UBE2D1: variants seen among roughly 807,000 people sequenced by gnomAD.
UBE2D1 encodes ubiquitin-conjugating enzyme E2 D1.
Under a neutral mutation model 24.6 loss-of-function variants are expected in UBE2D1, and 9 were observed. The ratio of observed to expected loss-of-function variants is 0.37; its 90% CI spans 0.22 to 0.64. The LOEUF is 0.64. UBE2D1 is among the 30% of genes least tolerant of loss of function. The probability of loss-of-function intolerance (pLI) is 0.64; values close to 1 mark genes in which losing one functional copy is unlikely to be tolerated. For synonymous variants in UBE2D1, 57 were observed against 57.6 expected (o/e 0.99, Z 0.04); for missense variants, 87 against 177.1 (o/e 0.49, Z 2.89).
At chr10:58,351,632 A>C (rs1840078188) in intron 1 of UBE2D1, among the ~76,000 whole-genome samples, 1 of 152,206 alleles carries the variant, frequency 6.6e-6, no homozygotes, top group Admixed American at 6.5e-5. Context: ...AGTCTGTTTT[A>C]CCGTTCTTTT....
At chr10:58,365,064 G>A (rs1840240646) in intron 5 of UBE2D1, among the ~76,000 whole-genome samples, 188 bp downstream of exon 5, 1 of 152,138 alleles carries the variant, frequency 6.6e-6, no homozygotes. Flanking sequence ...AGGGGAGTGT[G>A]GATGGACAAA....
chr10:58,351,123 T>G (rs562003105), intron 1 of UBE2D1, among the ~76,000 whole-genome samples: 1 of 152,192 alleles, frequency 6.6e-6, no homozygotes, highest in East Asian at 1.9e-4. Context: ...AAGTGGTGAG[T>G]GAATGTGAAG....
chr10:58,356,262 A>G (rs955168419), intron 1 of UBE2D1, among the ~76,000 whole-genome samples: 2 of 152,096 alleles, frequency 1.3e-5, no homozygotes, highest in African/African-American at 4.8e-5. Flanking sequence ...TACCATTAAC[A>G]ATTTGTTGTG....
intron 1 of UBE2D1, among the ~76,000 whole-genome samples, chr10:58,357,221 G>A (rs1840140863): frequency 2.0e-5 from 3 of 152,246 alleles, no homozygotes; most frequent in South Asian, 2.1e-4. Flanking sequence ...AGGGAAGAGA[G>A]TACTAATCCT....
At chr10:58,362,237 A>G (rs1009438694) in intron 3 of UBE2D1, among the ~76,000 whole-genome samples, 2 of 152,190 alleles carry the variant, frequency 1.3e-5, no homozygotes, top group African/African-American at 4.8e-5. Flanking sequence ...GTGAGAGTAC[A>G]TAAGTAACAT....
Position 58,342,729 on chromosome 10 carries a change from G to A in UBE2D1, c.24+7504G>A, listed in dbSNP as rs533237958. ...CATATGTTTGGAGATTTTACAGATA[G>A]CTTTCTGTTGTTGATTTCTAATTCC... is the stretch of plus-strand genomic sequence containing the variant. On this transcript the variant is annotated intron_variant, in intron 1 of 6. Coordinates refer to ENST00000373910, the MANE Select transcript of UBE2D1 (RefSeq NM_003338.5). 1.2e-3 allele frequency among the ~76,000 whole-genome samples: 176 copies of A among 151,600 alleles called. 5 individuals are homozygous for A. The South Asian group carries it at 0.036, about 31-fold the overall frequency.
At position 58,370,480 on chromosome 10, in the gene UBE2D1, T is replaced by C. The variant is rs182319673; in HGVS notation, c.*1715T>C. 3.9e-5 allele frequency: 6 copies of C among 152,676 alleles called. No individual in the cohort carries two copies. The highest frequency in any genetic ancestry group is 2.9e-5 in the Non-Finnish European group (2 of 67,942). 9.5% of individuals were successfully genotyped at this position (152,676 alleles called of 1,614,324 possible). ...TGTGAAATGGATGTTTAAGAAAATA[T>C]AGGCTTAAAAAGTAAATCTATAAAA... On this transcript the variant is annotated 3_prime_UTR_variant, in exon 7 of 7. Transcript: ENST00000373910.
intron 1 of UBE2D1, chr10:58,360,841 C>A (rs1479722206): frequency 7.8e-6 from 3 of 387,046 alleles, no homozygotes; most frequent in Non-Finnish European, 1.5e-5. Context: ...GGGAGGATCG[C>A]TTAGGCCCAG....
rs1840300007 is a variant in UBE2D1, at chr10:58,370,158, A to G, written c.*1393A>G. On this transcript the variant is annotated 3_prime_UTR_variant, in exon 7 of 7. Coordinates refer to ENST00000373910, the MANE Select transcript of UBE2D1 (RefSeq NM_003338.5). ...TGATTTAAATAAGCAGGTTATCTTT[A>G]TAGATTTTAAAGAAAACTAGAAAGT... 1 of 151,672 alleles carries G rather than the reference A, an allele frequency of 6.6e-6. No homozygotes were observed. The highest frequency in any genetic ancestry group is 2.4e-5 in the African/African-American group (1 of 41,306). 9.4% of individuals were successfully genotyped at this position (151,672 alleles called of 1,614,324 possible).
At chr10:58,336,323 A>G (rs549915196) in intron 1 of UBE2D1, among the ~76,000 whole-genome samples, 2 of 152,218 alleles carry the variant, frequency 1.3e-5, no homozygotes, top group Non-Finnish European at 2.9e-5. Context: ...TAGTTGTTTC[A>G]GAAGAAATTG....
At chr10:58,349,959 A>G (rs1049777416) in intron 1 of UBE2D1, among the ~76,000 whole-genome samples, 10 of 152,118 alleles carry the variant, frequency 6.6e-5, no homozygotes, top group African/African-American at 9.7e-5. Context: ...AGATTCATCT[A>G]TATTGTTGCC....
intron 1 of UBE2D1, among the ~76,000 whole-genome samples, chr10:58,342,496 T>A (rs1332691372): frequency 2.0e-5 from 3 of 152,132 alleles, no homozygotes; most frequent in East Asian, 1.9e-4. Context: ...TATGGTTGGA[T>A]TGTCTAGAGA....
rs1840285800 is a variant in UBE2D1, at chr10:58,368,907, G to T, written c.*142G>T. The T allele has an allele frequency of 2.0e-6, 1 of 489,928 alleles. No individual in the cohort carries two copies. The highest frequency in any genetic ancestry group is 3.4e-6 in the Non-Finnish European group (1 of 296,178). 30.3% of individuals were successfully genotyped at this position (489,928 alleles called of 1,614,324 possible). On this transcript the variant is annotated 3_prime_UTR_variant, in exon 7 of 7. Transcript: ENST00000373910. ...TACCCATTTTAAATGTGTTTCTGAA[G>T]CAAGACAAAACAAACTTCCAAAAAT...
At chr10:58,342,162 G>A (rs1286506918) in intron 1 of UBE2D1, among the ~76,000 whole-genome samples, 1 of 152,170 alleles carries the variant, frequency 6.6e-6, no homozygotes, top group Non-Finnish European at 1.5e-5. Context: ...ATTGTCCTTA[G>A]TATGGGGAGG....
rs1310825094 is a variant in UBE2D1 at position 58,338,759 on chromosome 10, T to A, written c.24+3534T>A. ...GAGGTAATGAACATCATACTAGCAT[T>A]ATGTGATGTGATGTGATGTGATGTG... On this transcript the variant is annotated intron_variant, in intron 1 of 6. Coordinates refer to ENST00000373910, the MANE Select transcript of UBE2D1 (RefSeq NM_003338.5). 6.6e-5 allele frequency among the ~76,000 whole-genome samples: 10 copies of A among 152,182 alleles called. No homozygotes were observed. The East Asian group carries it at 1.5e-3, about 23-fold the overall frequency.
intron 1 of UBE2D1, among the ~76,000 whole-genome samples, chr10:58,358,193 A>G (rs1173638442): frequency 6.6e-6 from 1 of 152,228 alleles, no homozygotes; most frequent in Admixed American, 6.5e-5. Context: ...ATTTATTCAC[A>G]TACACATTAT....
intron 5 of UBE2D1, among the ~76,000 whole-genome samples, chr10:58,366,610 T>C (rs1353542780): frequency 1.3e-5 from 2 of 152,178 alleles, no homozygotes; most frequent in Admixed American, 1.3e-4. Flanking sequence ...TCTTAAAAGA[T>C]TGTTTTTTAA....
intron 1 of UBE2D1, among the ~76,000 whole-genome samples, chr10:58,354,126 G>A (rs1371764124): frequency 2.0e-5 from 3 of 152,092 alleles, no homozygotes; most frequent in Non-Finnish European, 4.4e-5. Flanking sequence ...TTTATACATG[G>A]GTATGAAATT....
intron 1 of UBE2D1, among the ~76,000 whole-genome samples, chr10:58,344,573 A>C (rs567496298): frequency 6.6e-6 from 1 of 152,102 alleles, no homozygotes; most frequent in South Asian, 2.1e-4. Flanking sequence ...TGTGCTATGG[A>C]GCTATATTAG....
Sources: allele counts gnomAD v4.1 joint callset (sites outside exome capture counted in the v4.1 genomes callset), GRCh38; gene constraint gnomAD v4.1.1; transcripts MANE v1.5; gene names NCBI Gene and HGNC (gene_info 2026-07-23, HGNC 2026-07-21).